The following GCN1 variants were observed in gnomAD, a reference collection of about 807,000 sequenced individuals.
The protein encoded by GCN1 is GCN1 activator of EIF2AK4, also known as stalled ribosome sensor GCN1.
In GCN1, 90 loss-of-function variants were observed where a neutral mutation model predicts 288.4. The observed-to-expected ratio is 0.31, with a 90% CI of 0.26 to 0.37. GCN1 has a LOEUF of 0.37. Ranked by LOEUF, GCN1 falls within the 10% of genes least tolerant of loss-of-function variation. The pLI, the probability that GCN1 is intolerant of heterozygous loss-of-function variation, is 1.00. For synonymous variants in GCN1, 1,386 were observed against 1,420.2 expected, an observed-to-expected ratio of 0.98 and a Z score of 0.54; for missense variants, 2,586 against 3,419.9, an observed-to-expected ratio of 0.76 and a Z score of 6.08.
intron 22 of GCN1, 178 bp from the exon 23 acceptor site, chr12:120,160,433 T>A: frequency 1.7e-6 from 1 of 595,328 alleles, no homozygotes; most frequent in Admixed American, 2.9e-5. Context: ...GCCACCTGGT[T>A]TCTATAGAAT....
chr12:120,184,167 T>A lies in GCN1; in HGVS notation c.262A>T (p.Asn88Tyr). The A allele has an allele frequency of 6.2e-7, 1 of 1,613,926 alleles. No individual in the cohort carries two copies. Among genetic ancestry groups the A allele is most frequent in the African/African-American group, 1.3e-5 (1 of 75,036 alleles). The change falls in exon 4 of 58, where the codon AAC becomes TAC. Residue 88 changes from asparagine to tyrosine, a missense_variant. Asn to Tyr is a moderately radical substitution (Grantham distance 143). Coordinates refer to ENST00000300648, the MANE Select transcript of GCN1 (RefSeq NM_006836.2). ...AEAQPEATAK[N>Y]LLHSLQSSGI... Reference sequence around the variant, plus strand: ...GAAGACTGCAGAGAGTGTAGAAGGTTCTTAGCAGTGGCTTCTGGCTGGGCC... The same window carrying A: ...GAAGACTGCAGAGAGTGTAGAAGGTACTTAGCAGTGGCTTCTGGCTGGGCC...
In GCN1 at chr12:120,155,079, G is replaced by A. The variant is rs1877697173; in HGVS notation, c.3631-39C>T. 2 of 1,577,600 alleles carry A rather than the reference G, an allele frequency of 1.3e-6. No individual in the cohort carries two copies. Among genetic ancestry groups the A allele is most frequent in the Non-Finnish European group, 1.7e-6 (2 of 1,146,678 alleles). On this transcript the variant is annotated intron_variant, in intron 30 of 57. Transcript: ENST00000300648. The surrounding 1 kb of genome is among the most constrained non-coding windows in gnomAD (Gnocchi z 4.9). ...GTTGGTAAATGCTTTGCAACGGGCAGATCAATGACCTGGGCACCAGGATTG... is the reference window on the plus strand; with the variant it reads ...GTTGGTAAATGCTTTGCAACGGGCAAATCAATGACCTGGGCACCAGGATTG...
At chr12:120,136,077 A>G (rs1876995017) in intron 51 of GCN1, among the ~76,000 whole-genome samples, 2 of 152,144 alleles carry the variant, frequency 1.3e-5, no homozygotes, top group African/African-American at 4.8e-5. Context: ...ATCTTTAAAC[A>G]ATGTTTTCCT....
At chr12:120,189,790 C>A (rs1476252552) in intron 2 of GCN1, among the ~76,000 whole-genome samples, 2 of 152,100 alleles carry the variant, frequency 1.3e-5, no homozygotes, top group East Asian at 3.9e-4. Context: ...ACCAGCCTGG[C>A]CAACATGGTG....
rs377372874 is a variant in GCN1, at chr12:120,174,022, G to T, written c.1192+49C>A. On this transcript the variant is annotated intron_variant, in intron 13 of 57. Transcript: ENST00000300648. ...GAAAGCTCCAACTGTGAAAAACCAC[G>T]GTCAAGGATGAGTACAGAACGCATG... 7.4e-6 allele frequency: 9 copies of T among 1,215,980 alleles called. No individual in the cohort carries two copies. The Admixed American group carries it at 1.6e-4, about 21-fold the overall frequency. The allele number at this position is 1,215,980 out of a possible 1,614,324, so 75.3% of individuals were successfully genotyped here. A position where few individuals can be genotyped will look rare whatever the true frequency, so the allele number is the denominator to read the frequency against.
Position 120,153,994 on chromosome 12 carries a change from G to T in GCN1, c.3702-85C>A, listed in dbSNP as rs1244614850. 6 of 1,195,276 alleles carry T rather than the reference G, an allele frequency of 5.0e-6. No individual in the cohort carries two copies. The Admixed American group carries it at 1.3e-4, about 25-fold the overall frequency. The allele number at this position is 1,195,276 out of a possible 1,614,324, so 74.0% of individuals were successfully genotyped here. Reference sequence around the variant, plus strand: ...AACCTCTGCTGGTGCACGGCAAGGAGAGGGAGCTTGCCTGAGGCAAACACT... The same window carrying T: ...AACCTCTGCTGGTGCACGGCAAGGATAGGGAGCTTGCCTGAGGCAAACACT... On this transcript the variant is annotated intron_variant, in intron 31 of 57. Transcript: ENST00000300648. The surrounding 1 kb of genome is among the most constrained non-coding windows in gnomAD (Gnocchi z 4.4).
intron 20 of GCN1, chr12:120,162,269 G>A (rs1877956862): frequency 3.5e-6 from 2 of 576,536 alleles, no homozygotes; most frequent in East Asian, 2.9e-5. Flanking sequence ...CCTGACGTGA[G>A]GTGATACACT....
Position 120,137,055 on chromosome 12 carries a change from G to A in GCN1, c.6777+151C>T. 1.5e-6 allele frequency: 1 copy of A among 658,436 alleles called. No individual in the cohort carries two copies. Among genetic ancestry groups the A allele is most frequent in the African/African-American group, 1.8e-5 (1 of 55,958 alleles). 40.8% of individuals were successfully genotyped at this position (658,436 alleles called of 1,614,324 possible). A position where few individuals can be genotyped will look rare whatever the true frequency, so the allele number is the denominator to read the frequency against. On this transcript the variant is annotated intron_variant, in intron 50 of 57. Coordinates refer to ENST00000300648, the MANE Select transcript of GCN1 (RefSeq NM_006836.2). The surrounding 1 kb of genome is among the most constrained non-coding windows in gnomAD (Gnocchi z 5.2). ...ACCCTGTCCCCATCTGACTGCCATG[G>A]AAGAAAACATGCTGTCTGCGAAGGT...
intron 15 of GCN1, among the ~76,000 whole-genome samples, chr12:120,169,292 A>AG (rs1168165431): frequency 2.6e-4 from 22 of 84,572 alleles, no homozygotes; most frequent in South Asian, 3.5e-4. Flanking sequence ...AAAAAAAAAA[A>AG]AAAGAAAAAA....
At chr12:120,185,229 A>G (rs752334116) in intron 2 of GCN1, among the ~76,000 whole-genome samples, 13 of 152,236 alleles carry the variant, frequency 8.5e-5, no homozygotes, top group Non-Finnish European at 1.9e-4. Flanking sequence ...TGATTCAGTG[A>G]GCTGTTCCAT....
Position 120,130,740 on chromosome 12 carries a change from A to G in GCN1, c.7577T>C (p.Val2526Ala). Residue 2526 changes from valine (V) to alanine (A), a missense_variant, in exon 56 of 58, where the codon GTG becomes GCG. By Grantham distance (64) the Val-to-Ala change is moderately conservative. Around this residue, in one of 8 missense-constraint regions of GCN1, gnomAD observed 355 missense variants for 431.1 expected, o/e 0.82. Coordinates refer to ENST00000300648, the MANE Select transcript of GCN1 (RefSeq NM_006836.2). ...SATADRIPIA[V>A]SGVRGMGFLM... ...AAAGCCCATGCCCCGGACCCCGCTC[A>G]CCGCAATGGGGATCTGTGGAGAACA... 1 of 1,611,498 alleles carries G rather than the reference A, an allele frequency of 6.2e-7. No homozygotes were observed. The highest frequency in any genetic ancestry group is 1.1e-5 in the South Asian group (1 of 91,030).
rs541742619 is a variant in GCN1, at chr12:120,151,218, C to T, written c.4236G>A (p.Ser1412=). 5 of 1,614,112 alleles carry T rather than the reference C, an allele frequency of 3.1e-6. No homozygotes were observed. In the African/African-American group the frequency reaches 4.0e-5, roughly 13 times the overall value. The change falls in exon 34 of 58, where the codon TCG becomes TCA. Residue 1412 remains serine, a synonymous_variant. Transcript: ENST00000300648. The part of the protein sequence containing the change: ...AGLVKGLGIL[S]LKQQEMMAAL... ...CCGCCATCATCTCCTGTTGCTTCAG[C>T]GAGAGGATGCCCAGGCCCTTCACCA...
In GCN1 at chr12:120,137,889, C is replaced by T. The variant is rs989391667; in HGVS notation, c.6393+12G>A. The T allele has an allele frequency of 1.9e-6, 3 of 1,614,032 alleles. No individual in the cohort carries two copies. The highest frequency in any genetic ancestry group is 1.7e-5 in the Admixed American group (1 of 60,026). On this transcript the variant is annotated intron_variant, in intron 48 of 57. Coordinates refer to ENST00000300648, the MANE Select transcript of GCN1 (RefSeq NM_006836.2). The surrounding 1 kb of genome is among the most constrained non-coding windows in gnomAD (Gnocchi z 5.2). The stretch of plus-strand genomic sequence containing the variant: ...CGGGACATGAGAAAGCAGGAGCAGG[C>T]TCGCCCCTTACCAGCTGCTCATCTG...
rs779541253 is a variant in GCN1 at position 120,165,985 on chromosome 12, T to A, written c.1613-1264A>T. Among the ~76,000 whole-genome samples the A allele has an allele frequency of 3.3e-5, 5 of 151,756 alleles. No individual in the cohort carries two copies. In the South Asian group the frequency reaches 1.0e-3, roughly 32 times the overall value. On this transcript the variant is annotated intron_variant, in intron 16 of 57. Transcript: ENST00000300648. Reference sequence around the variant, plus strand: ...TTTTGTATTTTTATTAGAGACAGGGTTTCACCATGTTGGCCAGGATAGTCT... The same window carrying A: ...TTTTGTATTTTTATTAGAGACAGGGATTCACCATGTTGGCCAGGATAGTCT...
chr12:120,184,696 T>A (rs1046777127), intron 3 of GCN1, 128 bp downstream of exon 3: 3 of 730,368 alleles, frequency 4.1e-6, no homozygotes, highest in Admixed American at 1.9e-5. Context: ...CAGGATCTAA[T>A]GGCTAGGATG....
intron 56 of GCN1, among the ~76,000 whole-genome samples, chr12:120,129,699 A>G (rs923921048): frequency 5.3e-5 from 8 of 151,918 alleles, no homozygotes; most frequent in Non-Finnish European, 1.0e-4. Flanking sequence ...CTCAGCCCGC[A>G]TGCGTTTTTA....
At chr12:120,140,781 C>G (rs1877163363) in intron 45 of GCN1, 78 bp downstream of exon 45, 2 of 1,401,382 alleles carry the variant, frequency 1.4e-6, no homozygotes. Context: ...AGGTGAACCT[C>G]CTTCAGTAGC....
intron 42 of GCN1, among the ~76,000 whole-genome samples, chr12:120,143,502 A>C (rs1374986201): frequency 1.3e-5 from 2 of 151,910 alleles, no homozygotes; most frequent in East Asian, 1.9e-4. Context: ...GAATTGCTTG[A>C]ACCCGGGAGG....
chr12:120,149,437 C>A (rs1165706944), intron 36 of GCN1, among the ~76,000 whole-genome samples, 169 bp downstream of exon 36: 1 of 152,142 alleles, frequency 6.6e-6, no homozygotes, highest in African/African-American at 2.4e-5. Context: ...TAAAGACCAG[C>A]CTGGGTGATA....
Sources: allele counts gnomAD v4.1 joint callset (sites outside exome capture counted in the v4.1 genomes callset), GRCh38; gene constraint gnomAD v4.1.1; regional missense constraint gnomAD v4.1.1; non-coding constraint Gnocchi (gnomAD v3.1); transcripts MANE v1.5; gene names NCBI Gene and HGNC (gene_info 2026-07-23, HGNC 2026-07-21).